The following HEMK2 variants were observed in gnomAD, a reference collection of about 807,000 sequenced individuals.
HEMK2 encodes the protein methyltransferase HEMK2.
At chr21:28,824,650 AAAAG>A in the HEMK2 span, among the ~76,000 whole-genome samples, 1 of 152,232 alleles carries the variant, frequency 6.6e-6, no homozygotes, top group Non-Finnish European at 1.5e-5. Flanking sequence ...CAGAAATAAA[AAAAG>A]AGAGAGAGAG....
chr21:28,719,194 C>A, the HEMK2 span, among the ~76,000 whole-genome samples: 1 of 152,158 alleles, frequency 6.6e-6, no homozygotes, highest in African/African-American at 2.4e-5. Flanking sequence ...TTGGGTTTAT[C>A]TGCTTTTGCC....
chr21:28,599,695 A>G, the HEMK2 span, among the ~76,000 whole-genome samples: 1 of 152,180 alleles, frequency 6.6e-6, no homozygotes, highest in African/African-American at 2.4e-5. Context: ...TCAAAAGTCC[A>G]CAGCCCAAAG....
At chr21:28,696,522 G>GA in the HEMK2 span, among the ~76,000 whole-genome samples, 1 of 151,996 alleles carries the variant, frequency 6.6e-6, no homozygotes, top group African/African-American at 2.4e-5. Context: ...CCCTCTCCTG[G>GA]CTACTTTCAT....
At chr21:28,863,626 T>C in the HEMK2 span, among the ~76,000 whole-genome samples, 1 of 151,464 alleles carries the variant, frequency 6.6e-6, no homozygotes, top group African/African-American at 2.4e-5. Context: ...ATACTTTCTC[T>C]AGAAGGAAAA....
the HEMK2 span, among the ~76,000 whole-genome samples, chr21:28,644,860 C>T: frequency 2.6e-5 from 4 of 152,154 alleles, no homozygotes; most frequent in Admixed American, 2.6e-4. Context: ...CTGCCTCACT[C>T]CACATTTTTG....
the HEMK2 span, chr21:28,885,358 C>T: frequency 6.5e-7 from 1 of 1,537,506 alleles, no homozygotes; most frequent in Non-Finnish European, 8.8e-7. Context: ...TCCTTCGCTG[C>T]GTTCCATGCG....
At chr21:28,803,026 C>T in the HEMK2 span, among the ~76,000 whole-genome samples, 1 of 152,256 alleles carries the variant, frequency 6.6e-6, no homozygotes, top group Admixed American at 6.5e-5. Context: ...AGCATTAAAC[C>T]AATCACTGGG....
the HEMK2 span, among the ~76,000 whole-genome samples, chr21:28,858,181 C>T: frequency 6.6e-6 from 1 of 152,166 alleles, no homozygotes; most frequent in South Asian, 2.1e-4. Flanking sequence ...TTTTCTTGTA[C>T]ATAGCAAATA....
At chr21:28,848,362 G>A in the HEMK2 span, among the ~76,000 whole-genome samples, 5 of 151,738 alleles carry the variant, frequency 3.3e-5, no homozygotes, top group East Asian at 5.8e-4. Context: ...TATTTACTAC[G>A]GTTTCTTGAA....
chr21:28,739,958 G>T, the HEMK2 span, among the ~76,000 whole-genome samples: 1 of 152,146 alleles, frequency 6.6e-6, no homozygotes, highest in Non-Finnish European at 1.5e-5. Context: ...GTATCATCTG[G>T]AGGATTTTTT....
the HEMK2 span, among the ~76,000 whole-genome samples, chr21:28,831,518 A>AGAAAGAAGGAAG: frequency 2.1e-4 from 16 of 76,722 alleles, no homozygotes; most frequent in East Asian, 5.6e-3. Flanking sequence ...AAAGAAAGAA[A>AGAAAGAAGGAAG]GAAAGAAGGA....
At chr21:28,585,579 T>C in the HEMK2 span, among the ~76,000 whole-genome samples, 2 of 150,358 alleles carry the variant, frequency 1.3e-5, no homozygotes, top group African/African-American at 2.4e-5. Flanking sequence ...GAAATAAAAT[T>C]ATAAAACTAA....
At chr21:28,769,815 G>A in the HEMK2 span, among the ~76,000 whole-genome samples, 1 of 152,078 alleles carries the variant, frequency 6.6e-6, no homozygotes, top group Non-Finnish European at 1.5e-5. Context: ...AGAATTCAAA[G>A]CTTTCTAACT....
the HEMK2 span, among the ~76,000 whole-genome samples, chr21:28,694,259 A>C: frequency 6.6e-6 from 1 of 152,238 alleles, no homozygotes; most frequent in Non-Finnish European, 1.5e-5. Context: ...TAAATAGTAG[A>C]CTACCCAACA....
the HEMK2 span, among the ~76,000 whole-genome samples, chr21:28,651,542 T>C: frequency 6.6e-6 from 1 of 152,224 alleles, no homozygotes; most frequent in African/African-American, 2.4e-5. Flanking sequence ...GATTTTTAAT[T>C]GTAAGTTGCA....
At chr21:28,794,845 CA>C in the HEMK2 span, among the ~76,000 whole-genome samples, 11 of 152,184 alleles carry the variant, frequency 7.2e-5, no homozygotes, top group African/African-American at 2.6e-4. Context: ...GAGACTCAAG[CA>C]AAAAGTGTGG....
the HEMK2 span, among the ~76,000 whole-genome samples, chr21:28,683,054 A>T: frequency 0.34 from 51,034 of 151,354 alleles, 10,004 homozygotes; most frequent in African/African-American, 0.53. Context: ...TTAAAGTATA[A>T]TAAAAAAATT....
At chr21:28,604,385 C>T in the HEMK2 span, among the ~76,000 whole-genome samples, 1 of 152,094 alleles carries the variant, frequency 6.6e-6, no homozygotes, top group Non-Finnish European at 1.5e-5. Context: ...ACATTGTGCA[C>T]ATGTACCCTA....
the HEMK2 span, among the ~76,000 whole-genome samples, chr21:28,837,754 G>A: frequency 8.3e-4 from 126 of 152,106 alleles, no homozygotes; most frequent in African/African-American, 2.9e-3. Context: ...ACAAAAAGCT[G>A]GCTCTTTGAA....
Sources: allele counts gnomAD v4.1 joint callset (sites outside exome capture counted in the v4.1 genomes callset), GRCh38; gene constraint gnomAD v4.1.1; transcripts MANE v1.5; gene names NCBI Gene and HGNC (gene_info 2026-07-23, HGNC 2026-07-21).